Variants in NPC1 observed in about 807,000 individuals in gnomAD.
The protein encoded by NPC1 is NPC intracellular cholesterol transporter 1.
A neutral mutation model predicts 140.4 loss-of-function variants in NPC1; 85 were observed. That is an observed-to-expected ratio of 0.61 (90% confidence interval 0.51 to 0.72). The LOEUF is 0.72. NPC1 is among the 30% of genes least tolerant of loss of function. NPC1 has a pLI of 0.00. For synonymous variants in NPC1, 656 were observed against 624.8 expected, an observed-to-expected ratio of 1.05 and a Z score of -0.74; for missense variants, 1,504 against 1,623.8, an observed-to-expected ratio of 0.93 and a Z score of 1.27.
chr18:23,523,537 T>TC (rs1429762084), intron 1 of NPC1, among the ~76,000 whole-genome samples: 1 of 117,012 alleles, frequency 8.5e-6, no homozygotes, highest in African/African-American at 3.4e-5. Flanking sequence ...ATAGACCTTG[T>TC]CTTCACAAAA....
intron 4 of NPC1, among the ~76,000 whole-genome samples, chr18:23,564,655 T>C (rs959405423): frequency 6.6e-6 from 1 of 152,198 alleles, no homozygotes; most frequent in Admixed American, 6.5e-5. Context: ...TCCTCTGAAA[T>C]ACAAACTTTT....
intron 3 of NPC1, chr18:23,515,821 T>A (rs990257434): frequency 1.2e-6 from 2 of 1,612,382 alleles, no homozygotes; most frequent in African/African-American, 1.3e-5. Flanking sequence ...TGCCGTTTTT[T>A]AAATGAAGAT....
intron 6 of NPC1, among the ~76,000 whole-genome samples, chr18:23,558,591 T>C (rs896481013): frequency 1.3e-5 from 2 of 152,172 alleles, no homozygotes; most frequent in Non-Finnish European, 2.9e-5. Flanking sequence ...AAAAATGTAA[T>C]ATGGGACCTT....
intron 4 of NPC1, among the ~76,000 whole-genome samples, chr18:23,565,511 A>C (rs1370681314): frequency 1.3e-5 from 2 of 152,146 alleles, no homozygotes; most frequent in Non-Finnish European, 2.9e-5. Flanking sequence ...GAGCGCCACC[A>C]CGCCCAGCTA....
chr18:23,535,570 T>C lies in NPC1; in HGVS notation c.3376A>G (p.Ile1126Val), dbSNP rs2058617012. The C allele has an allele frequency of 6.2e-7, 1 of 1,614,036 alleles. No individual in the cohort carries two copies. Among genetic ancestry groups the C allele is most frequent in the Admixed American group, 1.7e-5 (1 of 60,010 alleles). ...ACCATGGCGATGGTGGCACACATGA[T>C]GACTGCAGACCAGAGCTCACAGCCC... ...LLGCELWSAV[I>V]MCATIAMVLV... is the part of the protein sequence containing the mutation. Residue 1126 changes from isoleucine to valine, a missense_variant, in exon 22 of 25, where the codon ATC becomes GTC. Physicochemically the swap from Ile to Val is conservative, Grantham distance 29. Transcript: ENST00000269228.
At chr18:23,508,042 G>T in intron 3 of NPC1, 1 of 1,609,848 alleles carries the variant, frequency 6.2e-7, no homozygotes, top group South Asian at 1.1e-5. Flanking sequence ...GGAGTGCAAG[G>T]TATGACCCCA....
In NPC1 at chr18:23,536,862, T is replaced by C. The variant is rs781261962; in HGVS notation, c.3056A>G (p.Tyr1019Cys). 6 of 1,613,946 alleles carry C rather than the reference T, an allele frequency of 3.7e-6. No individual in the cohort carries two copies. Among genetic ancestry groups the C allele is most frequent in the Non-Finnish European group, 5.1e-6 (6 of 1,179,970 alleles). ...AAGGAGGATGTTAACTGCAGAACTA[T>C]AGGCAGCATGTCCCCTGAGGAAAGA... Reference protein sequence around the residue: ...PKCGKGGHAAYSSAVNILLGH... With the variant: ...PKCGKGGHAACSSAVNILLGH... Residue 1019 changes from tyrosine to cysteine, a missense_variant, in exon 21 of 25, where the codon TAT (tyrosine) becomes TGT (cysteine). Transcript: ENST00000269228.
At chr18:23,526,857 C>CT, downstream of NPC1, 1 of 1,501,676 alleles carries the variant, frequency 6.7e-7, no homozygotes, top group Non-Finnish European at 9.0e-7. Flanking sequence ...ATTGTTGTGT[C>CT]TTGTCTGTGA....
chr18:23,545,034 C>A lies in NPC1; in HGVS notation c.1873G>T (p.Val625Leu). Reference protein sequence around the residue: ...RESDSDVFTVVISYAIMFLYI... With the variant: ...RESDSDVFTVLISYAIMFLYI... ...AGAAACATGATGGCATAGCTAATTA[C>A]AACGGTGAAGACATCACTGTCACTT... The change falls in exon 12 of 25, where the codon GTA (valine) becomes TTA (leucine). Residue 625 changes from valine (V) to leucine (L), a missense_variant. By Grantham distance (32) the Val-to-Leu change is conservative. Coordinates refer to ENST00000269228, the MANE Select transcript of NPC1 (RefSeq NM_000271.5). The A allele has an allele frequency of 6.3e-7, 1 of 1,584,660 alleles. No individual in the cohort carries two copies. Among genetic ancestry groups the A allele is most frequent in the African/African-American group, 1.4e-5 (1 of 73,328 alleles).
Position 23,543,572 on chromosome 18 carries a change from T to TAAAAA in NPC1, c.2131-8_2131-4dup. On this transcript the variant is annotated splice_region_variant and splice_polypyrimidine_tract_variant and intron_variant, in intron 13 of 24. Coordinates refer to ENST00000269228, the MANE Select transcript of NPC1 (RefSeq NM_000271.5). ...TCCCCTTGAAGACGTTCATCTCTCTTAAAAAAAAAAAAAAAAAATTATGCG... is the reference window on the plus strand; with the variant it reads ...TCCCCTTGAAGACGTTCATCTCTCTTAAAAAAAAAAAAAAAAAAAAAAATTATGCG... The TAAAAA allele has an allele frequency of 8.3e-7, 1 of 1,205,266 alleles. No homozygotes were observed. Among genetic ancestry groups the TAAAAA allele is most frequent in the South Asian group, 1.3e-5 (1 of 76,280 alleles). The allele number at this position is 1,205,266 out of a possible 1,614,324, so 74.7% of individuals were successfully genotyped here.
At chr18:23,525,434 TA>T (rs2058270095), downstream of NPC1, among the ~76,000 whole-genome samples, 1 of 151,770 alleles carries the variant, frequency 6.6e-6, no homozygotes, top group South Asian at 2.1e-4. Flanking sequence ...ATAATAATAA[TA>T]ATTATTTTGA....
At chr18:23,532,419 GA>G in intron 24 of NPC1, 135 bp from the exon 25 acceptor site, 1 of 914,896 alleles carries the variant, frequency 1.1e-6, no homozygotes, top group Non-Finnish European at 1.8e-6. Context: ...CTGGACAACA[GA>G]GTGAGACCAC....
chr18:23,577,895 G>A (rs567492208), intron 1 of NPC1, among the ~76,000 whole-genome samples: 87 of 152,336 alleles, frequency 5.7e-4, no homozygotes, highest in Admixed American at 2.2e-3. Context: ...CCCATTGCCC[G>A]GGGCCAGCAG....
downstream of NPC1, chr18:23,529,527 C>A: frequency 7.9e-7 from 1 of 1,262,540 alleles, no homozygotes; most frequent in South Asian, 1.3e-5. Flanking sequence ...GAAAGATGAA[C>A]ACTGGGCCAT....
chr18:23,586,436 C>G lies in NPC1; in HGVS notation c.-93G>C, dbSNP rs1485413337. 3 of 1,513,946 alleles carry G rather than the reference C, an allele frequency of 2.0e-6. No homozygotes were observed. Among genetic ancestry groups the G allele is most frequent in the Non-Finnish European group, 2.6e-6 (3 of 1,137,246 alleles). 93.8% of individuals were successfully genotyped at this position (1,513,946 alleles called of 1,614,324 possible). A position where few individuals can be genotyped will look rare whatever the true frequency, so the allele number is the denominator to read the frequency against. On this transcript the variant is annotated 5_prime_UTR_variant, in exon 1 of 25. Transcript: ENST00000269228. ...ACTTCCCCGGGCTGTTTCAGCACCC[C>G]GCGCAGGAGGAGCGGAGGAGCAGGA...
rs1196679834 is a variant in NPC1 at position 23,560,387 on chromosome 18, T to G, written c.725A>C (p.Asp242Ala). ...DEVTAPCSCQ[D>A]CSIVCGPKPQ... ...CTTGGGGCCACAGACAATAGAGCAG[T>G]CTTGGCAGCTACATGGTGCTGTGAC... The change falls in exon 6 of 25, where the codon GAC becomes GCC. Residue 242 changes from aspartate to alanine, a missense_variant. Physicochemically the swap from Asp to Ala is moderately radical, Grantham distance 126. Transcript: ENST00000269228. The G allele has an allele frequency of 6.2e-7, 1 of 1,614,052 alleles. No homozygotes were observed. The highest frequency in any genetic ancestry group is 8.5e-7 in the Non-Finnish European group (1 of 1,180,040).
At chr18:23,558,112 G>GA (rs2058981363) in intron 6 of NPC1, among the ~76,000 whole-genome samples, 2 of 152,234 alleles carry the variant, frequency 1.3e-5, no homozygotes, top group South Asian at 4.2e-4. Context: ...GAGGGAAAGA[G>GA]AAAAAAATCA....
Position 23,560,224 on chromosome 18 carries a change from T to C in NPC1, c.881+7A>G. ...TTTTGCCCTGGATGACAAACAAAAC[T>C]GCTTACCTGTAGCACCACACTGCAA... On this transcript the variant is annotated splice_region_variant and intron_variant, in intron 6 of 24. Coordinates refer to ENST00000269228, the MANE Select transcript of NPC1 (RefSeq NM_000271.5). 6.2e-7 allele frequency: 1 copy of C among 1,614,034 alleles called. No homozygotes were observed. The highest frequency in any genetic ancestry group is 8.5e-7 in the Non-Finnish European group (1 of 1,179,980).
rs71534236 is a variant in NPC1, at chr18:23,544,950, C to G, written c.1947+10G>C. On this transcript the variant is annotated intron_variant, in intron 12 of 24. Coordinates refer to ENST00000269228, the MANE Select transcript of NPC1 (RefSeq NM_000271.5). Reference sequence around the variant, plus strand: ...ACCTCTAGAACATACACCACCCCCCCCCGGCTTACCAGAAGCCTGCGACAG... The same window carrying G: ...ACCTCTAGAACATACACCACCCCCCGCCGGCTTACCAGAAGCCTGCGACAG... 8.8e-3 allele frequency: 12,467 copies of G among 1,415,958 alleles called. 670 individuals are homozygous for G. Among genetic ancestry groups the G allele is most frequent in the Non-Finnish European group, 1.0e-2 (10,094 of 1,011,672 alleles). The allele number at this position is 1,415,958 out of a possible 1,614,324, so 87.7% of individuals were successfully genotyped here.
Sources: allele counts gnomAD v4.1 joint callset (sites outside exome capture counted in the v4.1 genomes callset), GRCh38; gene constraint gnomAD v4.1.1; transcripts MANE v1.5; gene names NCBI Gene and HGNC (gene_info 2026-07-23, HGNC 2026-07-21).